Variants in GRB10 observed in about 807,000 individuals in gnomAD.
GRB10 encodes the protein growth factor receptor bound protein 10.
In GRB10, 20 loss-of-function variants were observed where a neutral mutation model predicts 80.9. The observed-to-expected ratio is 0.25, with a 90% confidence interval of 0.17 to 0.36. The LOEUF is 0.36. Among genes scored for constraint, GRB10 ranks in the 10% least tolerant of loss-of-function variants. The probability of loss-of-function intolerance (pLI) is 1.00; values close to 1 mark genes in which losing one functional copy is unlikely to be tolerated. For missense variants in GRB10, 548 were observed against 747.7 expected (o/e 0.73, Z 3.12); for synonymous variants, 291 against 291.5 (o/e 1.00, Z 0.02).
chr7:50,638,133 G>T (rs1355921491), intron 7 of GRB10, among the ~76,000 whole-genome samples: 2 of 152,266 alleles, frequency 1.3e-5, no homozygotes, highest in African/African-American at 4.8e-5. Flanking sequence ...ACTCAAGATG[G>T]ATTAAAGACT....
At chr7:50,712,566 C>CA (rs2066059495) in intron 4 of GRB10, among the ~76,000 whole-genome samples, 1 of 152,164 alleles carries the variant, frequency 6.6e-6, no homozygotes, top group African/African-American at 2.4e-5. Context: ...GGGAAAATAC[C>CA]ACCACATAAA....
chr7:50,614,260 G>T (rs1159973846), intron 12 of GRB10, among the ~76,000 whole-genome samples: 1 of 152,220 alleles, frequency 6.6e-6, no homozygotes, highest in East Asian at 1.9e-4. Flanking sequence ...ATGCACGTGT[G>T]GGTATGTGCA....
intron 2 of GRB10, among the ~76,000 whole-genome samples, chr7:50,767,178 C>T (rs1056074910): frequency 3.9e-5 from 6 of 152,170 alleles, no homozygotes; most frequent in African/African-American, 1.4e-4. Context: ...AACATCCTCC[C>T]AGGTACCCAC....
At chr7:50,680,615 T>A (rs2061433230) in intron 5 of GRB10, among the ~76,000 whole-genome samples, 1 of 152,128 alleles carries the variant, frequency 6.6e-6, no homozygotes, top group Non-Finnish European at 1.5e-5. Flanking sequence ...ATGGGCAGAA[T>A]CGCCATCCAA....
chr7:50,641,015 G>C (rs1429293836), intron 7 of GRB10, among the ~76,000 whole-genome samples: 1 of 152,014 alleles, frequency 6.6e-6, no homozygotes, highest in African/African-American at 2.4e-5. Flanking sequence ...TCCTCTCCAG[G>C]GCTAGTCACG....
At chr7:50,710,926 T>A in intron 4 of GRB10, 1 of 1,611,220 alleles carries the variant, frequency 6.2e-7, no homozygotes, top group East Asian at 2.2e-5. Flanking sequence ...TCTCTCTCCC[T>A]CTCTCTACAG....
At chr7:50,788,984 G>T (rs1318679412) in intron 1 of GRB10, among the ~76,000 whole-genome samples, 1 of 152,176 alleles carries the variant, frequency 6.6e-6, no homozygotes, top group East Asian at 1.9e-4. Flanking sequence ...CTGGTTGAAG[G>T]AAACCAATTT....
At chr7:50,703,752 G>C (rs2064578676) in intron 5 of GRB10, 69 bp downstream of exon 5, 7 of 1,089,484 alleles carry the variant, frequency 6.4e-6, no homozygotes, top group Non-Finnish European at 9.9e-6. Flanking sequence ...CAACATTTTA[G>C]AATATCAGAT....
At chr7:50,711,140 A>T in intron 4 of GRB10, 1 of 550,080 alleles carries the variant, frequency 1.8e-6, no homozygotes, top group East Asian at 2.9e-5. Flanking sequence ...GATCAACTTT[A>T]AACATTACAG....
At chr7:50,754,916 G>A (rs935998396) in intron 3 of GRB10, among the ~76,000 whole-genome samples, 6 of 152,188 alleles carry the variant, frequency 3.9e-5, no homozygotes, top group Non-Finnish European at 5.9e-5. Context: ...CAATACAACC[G>A]GTGTCCTTAC....
rs79212466 is a variant in GRB10, at chr7:50,720,197, A to G, written c.51+12075T>C. On this transcript the variant is annotated intron_variant, in intron 4 of 18. Coordinates refer to ENST00000401949, the MANE Select transcript of GRB10 (RefSeq NM_001350814.2). ...CTAAATATTTACTTTCTTCTTTAAG[A>G]TCAATGATAGGAAAACCTCACAAAA... Among the ~76,000 whole-genome samples the G allele has an allele frequency of 7.9e-5, 12 of 152,380 alleles. No homozygotes were observed. The East Asian group carries it at 1.5e-3, about 20-fold the overall frequency.
At chr7:50,626,759 C>T (rs973959959) in intron 8 of GRB10, 63 bp downstream of exon 8, 41 of 1,581,496 alleles carry the variant, frequency 2.6e-5, no homozygotes, top group African/African-American at 1.2e-4. Context: ...TTGGCAGCAG[C>T]AGTCTTCATT....
In GRB10 at chr7:50,705,171, G is replaced by A. The variant is rs747827281; in HGVS notation, c.52-1263C>T. On this transcript the variant is annotated intron_variant, in intron 4 of 18. Coordinates refer to ENST00000401949, the MANE Select transcript of GRB10 (RefSeq NM_001350814.2). ...GCAAACAGGTTTAGGTCTGGTCAAC[G>A]CTGTGCTTCACGGACCACTCACAAT... The A allele has an allele frequency of 2.4e-5, 24 of 985,570 alleles. No homozygotes were observed. In the Admixed American group the frequency reaches 6.1e-4, roughly 25 times the overall value. 61.1% of individuals were successfully genotyped at this position (985,570 alleles called of 1,614,324 possible). A position where few individuals can be genotyped will look rare whatever the true frequency, so the allele number is the denominator to read the frequency against.
chr7:50,767,741 A>G (rs2076513435), intron 2 of GRB10, among the ~76,000 whole-genome samples: 2 of 152,180 alleles, frequency 1.3e-5, no homozygotes, highest in South Asian at 4.1e-4. Context: ...AATCAGACCC[A>G]GCAGTGAGCC....
intron 1 of GRB10, chr7:50,781,227 C>T (rs6593180): frequency 0.64 from 97,901 of 152,132 alleles, 33,594 homozygotes; most frequent in Middle Eastern, 0.88. Context: ...CACTCACACC[C>T]CACCCTACAA....
At chr7:50,612,665 G>T in intron 13 of GRB10, 76 bp downstream of exon 13, 1 of 909,562 alleles carries the variant, frequency 1.1e-6, no homozygotes, top group Non-Finnish European at 1.8e-6. Context: ...TTTCCTGCCA[G>T]AATAGACATC....
intron 2 of GRB10, among the ~76,000 whole-genome samples, chr7:50,760,099 C>T (rs1436897010): frequency 2.0e-5 from 3 of 152,166 alleles, no homozygotes; most frequent in Admixed American, 6.5e-5. Context: ...CTTCCCTCTA[C>T]GGCCATGCAG....
intron 7 of GRB10, among the ~76,000 whole-genome samples, chr7:50,659,661 G>T (rs1057459242): frequency 2.0e-5 from 3 of 152,240 alleles, no homozygotes; most frequent in Admixed American, 1.3e-4. Flanking sequence ...GCAGACAGTA[G>T]AGCAAACTCA....
intron 7 of GRB10, among the ~76,000 whole-genome samples, chr7:50,661,773 T>G (rs1426508012): frequency 6.6e-6 from 1 of 152,152 alleles, no homozygotes; most frequent in African/African-American, 2.4e-5. Context: ...TCAGTTGCCC[T>G]TGCCACCACT....
Sources: allele counts gnomAD v4.1 joint callset (sites outside exome capture counted in the v4.1 genomes callset), GRCh38; gene constraint gnomAD v4.1.1; transcripts MANE v1.5; gene names NCBI Gene and HGNC (gene_info 2026-07-23, HGNC 2026-07-21).